WDR77: variants seen among roughly 807,000 people sequenced by gnomAD.
The protein encoded by WDR77 is methylosome protein WDR77.
WDR77 carries 31 observed loss-of-function variants against 44.0 expected under a neutral mutation model. The ratio of observed to expected loss-of-function variants is 0.70; its 90% CI spans 0.53 to 0.95. The LOEUF (loss-of-function observed/expected upper bound fraction) is 0.95. Among genes scored for constraint, WDR77 ranks in the 40% least tolerant of loss-of-function variants. The pLI, the probability that WDR77 is intolerant of heterozygous loss-of-function variation, is 0.00. For missense variants in WDR77, 390 were observed against 423.9 expected, an observed-to-expected ratio of 0.92 and a Z score of 0.70; for synonymous variants, 186 against 165.7, an observed-to-expected ratio of 1.12 and a Z score of -0.94.
rs960640688 is a variant in WDR77, at chr1:111,449,253, C to T, written c.-84G>A. On this transcript the variant is annotated 5_prime_UTR_variant, in exon 1 of 10. Transcript: ENST00000235090. ...CGGCAGCAAACCCCACGTGGTGCAC[C>T]TCTGAGCCTCCGCCCCTCTCCCGAG... 2 of 1,536,548 alleles carry T rather than the reference C, an allele frequency of 1.3e-6. No homozygotes were observed. Among genetic ancestry groups the T allele is most frequent in the Non-Finnish European group, 8.7e-7 (1 of 1,147,064 alleles).
chr1:111,441,101 T>A lies in WDR77; in HGVS notation c.*129A>T. ...CAGCCTCCCTCAGGCTGAGAGACGA[T>A]GCCTATTAACGGCACAGATCTAGCA... is the stretch of plus-strand genomic sequence containing the variant. On this transcript the variant is annotated 3_prime_UTR_variant, in exon 10 of 10. Transcript: ENST00000235090. 1 of 1,035,062 alleles carries A rather than the reference T, an allele frequency of 9.7e-7. No individual in the cohort carries two copies. Among genetic ancestry groups the A allele is most frequent in the Non-Finnish European group, 1.3e-6 (1 of 778,592 alleles). 64.1% of individuals were successfully genotyped at this position (1,035,062 alleles called of 1,614,324 possible). A position where few individuals can be genotyped will look rare whatever the true frequency, so the allele number is the denominator to read the frequency against.
rs1421422161 is a variant in WDR77, at chr1:111,440,417, C to T, written c.*813G>A. 3 of 152,204 alleles carry T rather than the reference C, an allele frequency of 2.0e-5. No homozygotes were observed. The East Asian group carries it at 5.8e-4, about 29-fold the overall frequency. 9.4% of individuals were successfully genotyped at this position (152,204 alleles called of 1,614,324 possible). ...GGGGACCAGGGCAGAAGATGTCAGGCCCCATGCTGTTTTGGGGTGGGAAAA... is the reference window on the plus strand; with the variant it reads ...GGGGACCAGGGCAGAAGATGTCAGGTCCCATGCTGTTTTGGGGTGGGAAAA... On this transcript the variant is annotated 3_prime_UTR_variant, in exon 10 of 10. Transcript: ENST00000235090.
intron 1 of WDR77, 114 bp downstream of exon 1, chr1:111,448,941 C>A: frequency 1.3e-6 from 2 of 1,538,874 alleles, no homozygotes; most frequent in Non-Finnish European, 1.7e-6. Context: ...CTCGGTGACG[C>A]GACCCAGGGT....
At chr1:111,444,581 C>T (rs1652948234) in intron 4 of WDR77, among the ~76,000 whole-genome samples, 1 of 152,170 alleles carries the variant, frequency 6.6e-6, no homozygotes, top group Non-Finnish European at 1.5e-5. Flanking sequence ...TTCAATCACT[C>T]TTCTCCCACT....
chr1:111,441,288 T>C lies in WDR77; in HGVS notation c.971A>G (p.His324Arg). 6.3e-7 allele frequency: 1 copy of C among 1,587,586 alleles called. No homozygotes were observed. Among genetic ancestry groups the C allele is most frequent in the African/African-American group, 1.4e-5 (1 of 73,844 alleles). ...TTVGWDHQVV[H>R]HVVPTEPLPA... The stretch of plus-strand genomic sequence containing the variant: ...GAGAGGTTCTGTGGGCACAACGTGG[T>C]GGACGACCTGATGGTCCCAGCCCAC... Residue 324 changes from histidine to arginine, a missense_variant, in exon 10 of 10, where the codon CAC becomes CGC. By Grantham distance (29) the His-to-Arg change is conservative (BLOSUM62 0). Transcript: ENST00000235090.
At chr1:111,444,279 C>T (rs1448653841) in intron 4 of WDR77, among the ~76,000 whole-genome samples, 155 bp from the exon 5 acceptor site, 1 of 151,298 alleles carries the variant, frequency 6.6e-6, no homozygotes, top group East Asian at 1.9e-4. Flanking sequence ...TAGACAAAAG[C>T]TAAGAGGAGA....
chr1:111,442,629 G>T, intron 8 of WDR77, 24 bp downstream of exon 8: 1 of 1,499,360 alleles, frequency 6.7e-7, no homozygotes, highest in Non-Finnish European at 9.0e-7. Context: ...TACCCATCAG[G>T]CCCCTGATGA....
intron 4 of WDR77, among the ~76,000 whole-genome samples, chr1:111,444,636 C>T (rs1053321982): frequency 1.1e-4 from 16 of 152,160 alleles, no homozygotes; most frequent in African/African-American, 2.9e-4. Context: ...GATCTTTCCA[C>T]GCTACAATGC....
chr1:111,441,566 C>T (rs1029593779), intron 9 of WDR77, 177 bp from the exon 10 acceptor site: 12 of 1,298,648 alleles, frequency 9.2e-6, no homozygotes, highest in Non-Finnish European at 1.2e-5. Flanking sequence ...TGTCATCAGT[C>T]ATCCAATCCA....
At chr1:111,448,349 T>G (rs1653141442) in intron 2 of WDR77, among the ~76,000 whole-genome samples, 1 of 151,954 alleles carries the variant, frequency 6.6e-6, no homozygotes, top group Non-Finnish European at 1.5e-5. Flanking sequence ...GCTGTGGGGG[T>G]TAAGGGGCAG....
Position 111,447,460 on chromosome 1 carries a change from CT to C in WDR77, c.417del (p.Ala140LeufsTer21). 6.2e-7 allele frequency: 1 copy of C among 1,614,184 alleles called. No individual in the cohort carries two copies. The highest frequency in any genetic ancestry group is 8.5e-7 in the Non-Finnish European group (1 of 1,180,022). On this transcript the variant is annotated frameshift_variant, in exon 3 of 10. Coordinates refer to ENST00000235090, the MANE Select transcript of WDR77 (RefSeq NM_024102.4). LOFTEE classifies it high-confidence loss of function. ...STVSVLSSGT[Q>X]AVSGSKDICI... is the part of the protein sequence containing the mutation. ...CAGATGTCTTTGCTACCACTGACAG[CT>C]TGTGTGCCAGAGCTCAAGACACTGA...
chr1:111,441,270 T>A lies in WDR77; in HGVS notation c.989A>T (p.Glu330Val). The change falls in exon 10 of 10, where the codon GAA becomes GTA. Residue 330 changes from glutamate to valine, a missense_variant. By Grantham distance (121) the Glu-to-Val change is moderately radical. Coordinates refer to ENST00000235090, the MANE Select transcript of WDR77 (RefSeq NM_024102.4). ...TGCAGGTCCAGGGGCTGGGAGAGGT[T>A]CTGTGGGCACAACGTGGTGGACGAC... ...HQVVHHVVPTEPLPAPGPASV... is the reference protein window; with the variant it reads ...HQVVHHVVPTVPLPAPGPASV... 1 of 1,585,412 alleles carries A rather than the reference T, an allele frequency of 6.3e-7. No homozygotes were observed.
At chr1:111,444,145 G>A (rs745930640) in intron 4 of WDR77, 21 bp from the exon 5 acceptor site, 58 of 1,611,858 alleles carry the variant, frequency 3.6e-5, no homozygotes, top group Non-Finnish European at 4.8e-5. Context: ...GAGAGAAAGA[G>A]AAATATGATA....
chr1:111,441,931 C>G, intron 9 of WDR77, 94 bp downstream of exon 9: 2 of 1,241,802 alleles, frequency 1.6e-6, no homozygotes, highest in African/African-American at 1.5e-5. Flanking sequence ...AATCTGTTCT[C>G]CAAAAGCACA....
chr1:111,443,391 C>T lies in WDR77; in HGVS notation c.623G>A (p.Cys208Tyr). 3 of 1,552,294 alleles carry T rather than the reference C, an allele frequency of 1.9e-6. No individual in the cohort carries two copies. The highest frequency in any genetic ancestry group is 2.6e-6 in the Non-Finnish European group (3 of 1,147,278). ...GGTAGGAAGGTAGCCAGGCGCACTGCAGCCTGCAAAGGAGAGACGAGGGTC... is the reference window on the plus strand; with the variant it reads ...GGTAGGAAGGTAGCCAGGCGCACTGTAGCCTGCAAAGGAGAGACGAGGGTC... ...RCPKPASQIG[C>Y]SAPGYLPTSL... The change falls in exon 7 of 10, where the codon TGC (cysteine) becomes TAC (tyrosine). Residue 208 changes from cysteine to tyrosine, a missense_variant. Coordinates refer to ENST00000235090, the MANE Select transcript of WDR77 (RefSeq NM_024102.4).
chr1:111,446,668 T>C (rs1004891143), intron 4 of WDR77: 7 of 160,744 alleles, frequency 4.4e-5, no homozygotes, highest in African/African-American at 1.2e-4. Flanking sequence ...GGAAGGTGAC[T>C]GACCAGTGGA....
At chr1:111,448,183 T>G in intron 2 of WDR77, among the ~76,000 whole-genome samples, 1 of 137,224 alleles carries the variant, frequency 7.3e-6, no homozygotes, top group Non-Finnish European at 1.5e-5. Flanking sequence ...AAATTCTGAT[T>G]TTAAAAAAAA....
chr1:111,441,789 T>C (rs1652825652), intron 9 of WDR77, among the ~76,000 whole-genome samples: 1 of 152,034 alleles, frequency 6.6e-6, no homozygotes, highest in Non-Finnish European at 1.5e-5. Context: ...GGGCTAGACT[T>C]AAAAATTTCA....
intron 8 of WDR77, among the ~76,000 whole-genome samples, 172 bp downstream of exon 8, chr1:111,442,480 AC>A (rs1652855636): frequency 1.3e-5 from 2 of 152,098 alleles, no homozygotes; most frequent in South Asian, 4.1e-4. Flanking sequence ...AAATCCTTTG[AC>A]TCCCAAAGGA....
Sources: allele counts gnomAD v4.1 joint callset (sites outside exome capture counted in the v4.1 genomes callset), GRCh38; gene constraint gnomAD v4.1.1; transcripts MANE v1.5; gene names NCBI Gene and HGNC (gene_info 2026-07-23, HGNC 2026-07-21).